HHAT: variants seen among roughly 807,000 people sequenced by gnomAD.
The protein encoded by HHAT is protein-cysteine N-palmitoyltransferase HHAT.
HHAT carries 47 observed loss-of-function variants against 70.8 expected under a neutral mutation model. The ratio of observed to expected loss-of-function variants is 0.66; its 90% CI spans 0.53 to 0.85. The LOEUF is 0.85. Ranked by LOEUF, HHAT falls within the 40% of genes least tolerant of loss-of-function variation. The pLI, the probability that HHAT is intolerant of heterozygous loss-of-function variation, is 0.00. For synonymous variants in HHAT, 228 were observed against 247.6 expected (o/e 0.92, Z 0.74); for missense variants, 609 against 604.8 (o/e 1.01, Z -0.07).
intron 9 of HHAT, among the ~76,000 whole-genome samples, chr1:210,532,039 G>A (rs924270498): frequency 6.6e-6 from 1 of 152,146 alleles, no homozygotes; most frequent in African/African-American, 2.4e-5. Context: ...GCTGTGAAAA[G>A]GCCATTTAAA....
intron 8 of HHAT, among the ~76,000 whole-genome samples, chr1:210,501,280 C>T (rs993526216): frequency 6.6e-6 from 1 of 152,250 alleles, no homozygotes; most frequent in Admixed American, 6.5e-5. Context: ...GTTGCCCCAA[C>T]CTCTGCCCTT....
At chr1:210,666,083 C>T (rs1202504703) in intron 11 of HHAT, among the ~76,000 whole-genome samples, 1 of 152,142 alleles carries the variant, frequency 6.6e-6, no homozygotes, top group African/African-American at 2.4e-5. Flanking sequence ...CCATTGTCTT[C>T]TAAAAATGGG....
intron 9 of HHAT, among the ~76,000 whole-genome samples, chr1:210,527,705 T>C (rs2095267733): frequency 6.6e-6 from 1 of 152,186 alleles, no homozygotes; most frequent in Non-Finnish European, 1.5e-5. Flanking sequence ...GCAATTTCCT[T>C]TGAGCACGTG....
intron 9 of HHAT, among the ~76,000 whole-genome samples, chr1:210,528,801 A>G (rs897592821): frequency 1.3e-5 from 2 of 152,138 alleles, no homozygotes; most frequent in African/African-American, 4.8e-5. Context: ...ACCATCAGGG[A>G]TCTGGAAATC....
chr1:210,566,977 C>T (rs928979530), intron 9 of HHAT, among the ~76,000 whole-genome samples: 4 of 152,208 alleles, frequency 2.6e-5, no homozygotes, highest in African/African-American at 2.4e-5. Flanking sequence ...CTTTGGGAGT[C>T]GCAGCCTCCC....
At chr1:210,338,741 A>C (rs2085737668) in intron 1 of HHAT, among the ~76,000 whole-genome samples, 1 of 152,150 alleles carries the variant, frequency 6.6e-6, no homozygotes, top group African/African-American at 2.4e-5. Context: ...CTCCAGAGCC[A>C]CCCCTGAAAC....
chr1:210,531,180 G>T (rs2095310975), intron 9 of HHAT, among the ~76,000 whole-genome samples: 1 of 152,224 alleles, frequency 6.6e-6, no homozygotes, highest in South Asian at 2.1e-4. Context: ...TCTAAACATA[G>T]AAGAGGTACA....
intron 8 of HHAT, among the ~76,000 whole-genome samples, chr1:210,482,634 C>T (rs948980969): frequency 2.6e-5 from 4 of 152,134 alleles, no homozygotes; most frequent in Admixed American, 2.6e-4. Context: ...AGATTGCCTG[C>T]ATGAAGATAT....
intron 3 of HHAT, among the ~76,000 whole-genome samples, chr1:210,364,839 C>G (rs971216232): frequency 1.3e-5 from 2 of 152,210 alleles, no homozygotes; most frequent in Non-Finnish European, 2.9e-5. Flanking sequence ...CCAATTCTGC[C>G]TTCACAGAAA....
At chr1:210,524,790 T>A (rs956908970) in intron 9 of HHAT, among the ~76,000 whole-genome samples, 1 of 152,184 alleles carries the variant, frequency 6.6e-6, no homozygotes, top group Non-Finnish European at 1.5e-5. Flanking sequence ...TCTGTCCTGC[T>A]ACTCGGGGGT....
chr1:210,572,626 G>C (rs934929100), intron 9 of HHAT, among the ~76,000 whole-genome samples: 19 of 152,146 alleles, frequency 1.2e-4, no homozygotes, highest in African/African-American at 4.3e-4. Flanking sequence ...GGGTTTTGTG[G>C]CTCGTGCCTG....
chr1:210,659,974 C>T (rs1370196585), intron 11 of HHAT, among the ~76,000 whole-genome samples: 1 of 152,096 alleles, frequency 6.6e-6, no homozygotes, highest in Non-Finnish European at 1.5e-5. Flanking sequence ...ACTGAATGGG[C>T]AAAAACTGGA....
chr1:210,365,751 G>T (rs2088887179), intron 3 of HHAT, among the ~76,000 whole-genome samples: 1 of 151,590 alleles, frequency 6.6e-6, no homozygotes, highest in Non-Finnish European at 1.5e-5. Flanking sequence ...GAGTAGCTGG[G>T]ATTATAGGCA....
intron 11 of HHAT, among the ~76,000 whole-genome samples, chr1:210,627,725 T>C (rs1039470291): frequency 2.0e-5 from 3 of 152,158 alleles, no homozygotes; most frequent in African/African-American, 7.2e-5. Context: ...AAATAAGGAA[T>C]CTATGTTTTT....
At chr1:210,366,830 C>T (rs1445511528) in intron 3 of HHAT, among the ~76,000 whole-genome samples, 1 of 152,176 alleles carries the variant, frequency 6.6e-6, no homozygotes, top group African/African-American at 2.4e-5. Context: ...CTCACGCCTT[C>T]CCTGTCCGGC....
chr1:210,419,340 C>T (rs1308510628), intron 7 of HHAT, among the ~76,000 whole-genome samples: 1 of 152,204 alleles, frequency 6.6e-6, no homozygotes, highest in Admixed American at 6.5e-5. Context: ...CTTACTTCCT[C>T]AGCAGGGCTA....
chr1:210,649,030 C>T (rs951864633), intron 11 of HHAT, among the ~76,000 whole-genome samples: 21 of 152,084 alleles, frequency 1.4e-4, no homozygotes, highest in African/African-American at 4.6e-4. Context: ...TGTTAAATAA[C>T]CCAATTGGTA....
chr1:210,464,374 T>C, intron 7 of HHAT, 131 bp from the exon 8 acceptor site: 1 of 831,918 alleles, frequency 1.2e-6, no homozygotes, highest in Non-Finnish European at 2.0e-6. Flanking sequence ...TTTTGTGAAA[T>C]GTGCGAGTTG....
intron 10 of HHAT, among the ~76,000 whole-genome samples, chr1:210,615,325 AG>A (rs1357246272): frequency 6.6e-6 from 1 of 152,136 alleles, no homozygotes; most frequent in Non-Finnish European, 1.5e-5. Flanking sequence ...TGGTTATTCT[AG>A]TTAGCCATTC....
Sources: gnomAD v4.1 joint callset for allele counts (sites outside exome capture counted in the v4.1 genomes callset) on GRCh38, gnomAD v4.1.1 for gene constraint, MANE v1.5 for transcripts, NCBI Gene and HGNC (gene_info 2026-07-23, HGNC 2026-07-21) for gene names.